Variants in ERI1 observed in about 807,000 individuals in gnomAD.
ERI1 encodes the protein 3'-5' exoribonuclease 1.
Under a neutral mutation model 39.7 loss-of-function variants are expected in ERI1, and 39 were observed. The ratio of observed to expected loss-of-function variants is 0.98; its 90% CI spans 0.76 to 1.28. ERI1 has a LOEUF of 1.28. Ranked by LOEUF, ERI1 falls within the 50% of genes most tolerant of loss-of-function variation. The probability of loss-of-function intolerance (pLI) is 0.00; values close to 1 mark genes in which losing one functional copy is unlikely to be tolerated. For synonymous variants in ERI1, 204 were observed against 149.6 expected, an observed-to-expected ratio of 1.36 and a Z score of -2.65; for missense variants, 581 against 416.9, an observed-to-expected ratio of 1.39 and a Z score of -3.43.
intron 3 of ERI1, among the ~76,000 whole-genome samples, chr8:9,054,921 C>G (rs1279717488): frequency 6.6e-6 from 1 of 152,144 alleles, no homozygotes; most frequent in East Asian, 1.9e-4. Flanking sequence ...AAGCAAGACT[C>G]TGTCTCAAAA....
chr8:9,004,606 G>T (rs1167856220), intron 1 of ERI1, among the ~76,000 whole-genome samples: 2 of 150,720 alleles, frequency 1.3e-5, no homozygotes, highest in African/African-American at 4.9e-5. Flanking sequence ...GGAGGCTGCA[G>T]TGAGCTGTGA....
At chr8:9,012,876 T>G (rs911657000) in intron 3 of ERI1, among the ~76,000 whole-genome samples, 1 of 152,044 alleles carries the variant, frequency 6.6e-6, no homozygotes, top group African/African-American at 2.4e-5. Context: ...GTTTATCTCT[T>G]TCCTTTTCTT....
rs1400191291 is a variant in ERI1, at chr8:9,031,638, C to T, written c.*1604C>T. 1 of 152,162 alleles carries T rather than the reference C, an allele frequency of 6.6e-6. No homozygotes were observed. 9.4% of individuals were successfully genotyped at this position (152,162 alleles called of 1,614,324 possible). Reference sequence around the variant, plus strand: ...TGATGACGAGGAAATATTACGTTTCCAGTTTTTTTAGCTCTATCTGCTAAT... The same window carrying T: ...TGATGACGAGGAAATATTACGTTTCTAGTTTTTTTAGCTCTATCTGCTAAT... On this transcript the variant is annotated 3_prime_UTR_variant, in exon 7 of 7. Transcript: ENST00000250263.
intron 3 of ERI1, among the ~76,000 whole-genome samples, chr8:9,075,962 G>A (rs537631960): frequency 3.4e-4 from 52 of 151,936 alleles, no homozygotes; most frequent in Non-Finnish European, 6.8e-4. Context: ...GGGTCTCATT[G>A]TGTCACCCAG....
intron 3 of ERI1, among the ~76,000 whole-genome samples, chr8:9,061,216 G>A (rs1311247123): frequency 1.3e-5 from 2 of 152,152 alleles, no homozygotes; most frequent in Non-Finnish European, 2.9e-5. Context: ...TCGGGGTGAG[G>A]AGCAGGAAGG....
intron 3 of ERI1, among the ~76,000 whole-genome samples, chr8:9,085,676 A>G (rs984447755): frequency 6.6e-6 from 1 of 151,920 alleles, no homozygotes; most frequent in African/African-American, 2.4e-5. Context: ...CTTAACAGAG[A>G]AAGTTCAGGG....
chr8:9,051,825 C>T (rs1048504892), intron 3 of ERI1, among the ~76,000 whole-genome samples: 1 of 152,156 alleles, frequency 6.6e-6, no homozygotes, highest in Admixed American at 6.5e-5. Flanking sequence ...TTTTCTCAGG[C>T]GAATGCACTC....
At chr8:9,093,916 G>A (rs73520798) in intron 3 of ERI1, among the ~76,000 whole-genome samples, 5,272 of 152,230 alleles carry the variant, frequency 0.035, 273 homozygotes, top group African/African-American at 0.12. Flanking sequence ...GAAGAGCTAG[G>A]TGTGACTTTT....
At chr8:9,072,859 C>G (rs982376639) in intron 3 of ERI1, among the ~76,000 whole-genome samples, 3 of 152,224 alleles carry the variant, frequency 2.0e-5, no homozygotes, top group Non-Finnish European at 2.9e-5. Context: ...GGGTGAACTG[C>G]AAGTCTTGAC....
intron 3 of ERI1, chr8:9,088,523 A>G (rs749539496): frequency 6.6e-6 from 1 of 152,186 alleles, no homozygotes; most frequent in Non-Finnish European, 1.5e-5. Flanking sequence ...AGGAAATTTG[A>G]CATGTGATGC....
intron 3 of ERI1, among the ~76,000 whole-genome samples, chr8:9,013,563 C>T (rs998820906): frequency 2.0e-5 from 3 of 152,044 alleles, no homozygotes; most frequent in African/African-American, 4.8e-5. Flanking sequence ...TACATCCTTT[C>T]GCTTGATGAT....
chr8:9,022,290 G>A (rs568987608), intron 6 of ERI1, among the ~76,000 whole-genome samples: 1 of 151,990 alleles, frequency 6.6e-6, no homozygotes, highest in Non-Finnish European at 1.5e-5. Flanking sequence ...AAAAAAATTG[G>A]GTAGTCTGTT....
At chr8:9,066,569 A>G (rs988921613) in intron 3 of ERI1, among the ~76,000 whole-genome samples, 5 of 152,232 alleles carry the variant, frequency 3.3e-5, no homozygotes, top group Non-Finnish European at 7.3e-5. Context: ...AATGACAGGC[A>G]GAAAGGAATC....
chr8:9,051,485 C>T (rs1563358214), intron 3 of ERI1, among the ~76,000 whole-genome samples: 2 of 152,010 alleles, frequency 1.3e-5, no homozygotes, highest in African/African-American at 4.8e-5. Context: ...GGTGAAAGCA[C>T]ATCTCTACTA....
chr8:9,068,494 G>C (rs768309343), intron 3 of ERI1, among the ~76,000 whole-genome samples: 4 of 152,188 alleles, frequency 2.6e-5, no homozygotes, highest in African/African-American at 9.6e-5. Flanking sequence ...GTGCCATGAC[G>C]CCTGGCTAGA....
intron 3 of ERI1, among the ~76,000 whole-genome samples, chr8:9,067,891 A>G (rs894957330): frequency 6.6e-6 from 1 of 151,870 alleles, no homozygotes; most frequent in East Asian, 1.9e-4. Flanking sequence ...CAATTTTGCC[A>G]TACATATGAG....
At chr8:9,014,169 A>G (rs1423271063) in intron 3 of ERI1, among the ~76,000 whole-genome samples, 1 of 152,102 alleles carries the variant, frequency 6.6e-6, no homozygotes, top group Non-Finnish European at 1.5e-5. Flanking sequence ...TCCTTAACTC[A>G]TTCCACTCCA....
chr8:9,048,398 C>T (rs1410321761), intron 3 of ERI1: 1 of 154,364 alleles, frequency 6.5e-6, no homozygotes, highest in Non-Finnish European at 1.5e-5. Flanking sequence ...GCACATTACT[C>T]AATTGATAGT....
intron 1 of ERI1, among the ~76,000 whole-genome samples, chr8:9,004,711 A>T (rs909724142): frequency 1.5e-5 from 2 of 132,060 alleles, no homozygotes; most frequent in Non-Finnish European, 3.2e-5. Context: ...TTGGAGACGG[A>T]GTTTCGTTCT....
Sources: allele counts gnomAD v4.1 joint callset (sites outside exome capture counted in the v4.1 genomes callset), GRCh38; gene constraint gnomAD v4.1.1; transcripts MANE v1.5; gene names NCBI Gene and HGNC (gene_info 2026-07-23, HGNC 2026-07-21).